Variants in ARHGEF18 observed in about 807,000 individuals in gnomAD.
The protein encoded by ARHGEF18 is rho guanine nucleotide exchange factor 18.
ARHGEF18 carries 93 observed loss-of-function variants against 155.7 expected under a neutral mutation model. The ratio of observed to expected loss-of-function variants is 0.60; its 90% CI spans 0.50 to 0.71. The LOEUF is 0.71. ARHGEF18 is among the 30% of genes least tolerant of loss of function. The probability of loss-of-function intolerance (pLI) is 0.00; values close to 1 mark genes in which losing one functional copy is unlikely to be tolerated. For missense variants in ARHGEF18, 1,593 were observed against 1,816.1 expected (o/e 0.88, Z 2.23); for synonymous variants, 742 against 753.1 (o/e 0.99, Z 0.24).
chr19:7,355,818 A>G (rs1410344172), intron 1 of ARHGEF18: 3 of 566,796 alleles, frequency 5.3e-6, no homozygotes, highest in African/African-American at 2.0e-5. Context: ...CTCTGCTGGC[A>G]TCGGCCCTGG....
chr19:7,461,097 C>A (rs1207206266), intron 20 of ARHGEF18, among the ~76,000 whole-genome samples: 1 of 149,954 alleles, frequency 6.7e-6, no homozygotes, highest in African/African-American at 2.4e-5. Context: ...CTGTATTATT[C>A]ATTTCTAAAT....
Position 7,372,134 on chromosome 19 carries a change from C to T in ARHGEF18, c.16-678C>T, listed in dbSNP as rs560096813. On this transcript the variant is annotated intron_variant, in intron 2 of 28. Transcript: ENST00000668164. ...GGGGGAAGCCCACTCGCCCACCTAC[C>T]CACCAAACCCTGTGTGCAGACAGTC... Among the ~76,000 whole-genome samples, 15 of 152,306 alleles carry T rather than the reference C, an allele frequency of 9.8e-5. No individual in the cohort carries two copies. The East Asian group carries it at 1.9e-3, about 20-fold the overall frequency.
intron 1 of ARHGEF18, among the ~76,000 whole-genome samples, chr19:7,357,820 C>T (rs1440839440): frequency 6.6e-6 from 1 of 152,024 alleles, no homozygotes; most frequent in Non-Finnish European, 1.5e-5. Context: ...GGTCCCAGTG[C>T]CCCTTCCCCA....
chr19:7,467,365 C>A lies in ARHGEF18; in HGVS notation c.3161C>A (p.Ala1054Glu). 1 of 1,534,602 alleles carries A rather than the reference C, an allele frequency of 6.5e-7. No homozygotes were observed. The highest frequency in any genetic ancestry group is 8.7e-7 in the Non-Finnish European group (1 of 1,145,828). ...TTCGAGAAGCAGCGGGAGGAGCGCG[C>A]GGCCCTGGAGAAGCTGCAGAGCCAG... ...RNFEKQREER[A>E]ALEKLQSQLR... Residue 1054 changes from alanine (A) to glutamate (E), a missense_variant, in exon 26 of 29, where the codon GCG (alanine) becomes GAG (glutamate). By Grantham distance (107) the Ala-to-Glu change is moderately radical. Coordinates refer to ENST00000668164, the MANE Select transcript of ARHGEF18 (RefSeq NM_001367823.1).
At chr19:7,479,576 A>C in the ARHGEF18 span, among the ~76,000 whole-genome samples, 63 of 152,366 alleles carry the variant, frequency 4.1e-4, no homozygotes, top group African/African-American at 1.5e-3. Flanking sequence ...GCCTTAGGGC[A>C]GATGTCTGGT....
the ARHGEF18 span, among the ~76,000 whole-genome samples, chr19:7,477,930 G>A: frequency 6.6e-6 from 1 of 152,244 alleles, no homozygotes; most frequent in Non-Finnish European, 1.5e-5. Context: ...GCTGAAACAG[G>A]AGGATCAGTT....
intron 10 of ARHGEF18, among the ~76,000 whole-genome samples, chr19:7,413,462 C>T (rs1217525813): frequency 6.6e-5 from 10 of 152,120 alleles, no homozygotes; most frequent in Admixed American, 2.0e-4. Context: ...CCACCATGCC[C>T]AGCTAATTTT....
At chr19:7,363,788 G>T (rs1232826404) in intron 2 of ARHGEF18, among the ~76,000 whole-genome samples, 3 of 151,470 alleles carry the variant, frequency 2.0e-5, no homozygotes, top group Non-Finnish European at 4.4e-5. Context: ...ATAAATGAAA[G>T]AATGAAGGAA....
chr19:7,350,532 C>T (rs910032121), intron 1 of ARHGEF18, among the ~76,000 whole-genome samples: 9 of 152,160 alleles, frequency 5.9e-5, no homozygotes, highest in Admixed American at 5.2e-4. Context: ...GCAAACACGT[C>T]GGTGCTTCTG....
chr19:7,461,680 T>C (rs1215730854), intron 20 of ARHGEF18, among the ~76,000 whole-genome samples: 1 of 152,158 alleles, frequency 6.6e-6, no homozygotes, highest in Non-Finnish European at 1.5e-5. Context: ...TGATTTTATT[T>C]TATTTCTTTT....
chr19:7,442,593 G>T (rs1042917489), intron 13 of ARHGEF18, among the ~76,000 whole-genome samples: 4 of 152,218 alleles, frequency 2.6e-5, no homozygotes, highest in African/African-American at 9.6e-5. Context: ...CCAGGAAAGA[G>T]ACTGTCGGAG....
intron 2 of ARHGEF18, among the ~76,000 whole-genome samples, chr19:7,367,554 C>T (rs1969940616): frequency 6.6e-6 from 1 of 151,566 alleles, no homozygotes; most frequent in Non-Finnish European, 1.5e-5. Context: ...CGAGACCAGT[C>T]TGGCCAACAT....
intron 10 of ARHGEF18, among the ~76,000 whole-genome samples, chr19:7,392,169 A>T (rs1971438126): frequency 7.5e-6 from 1 of 134,060 alleles, no homozygotes; most frequent in Non-Finnish European, 1.5e-5. Flanking sequence ...TCAATCTGGG[A>T]GGTGGAGTTT....
chr19:7,444,316 C>G lies in ARHGEF18; in HGVS notation c.1473C>G (p.Leu491=), dbSNP rs200519400. 1.9e-6 allele frequency: 3 copies of G among 1,613,700 alleles called. No individual in the cohort carries two copies. Among genetic ancestry groups the G allele is most frequent in the Non-Finnish European group, 2.5e-6 (3 of 1,180,034 alleles). ...TCAGCAGCAAGGCCATTGGCCGCCT[C>G]TTCCCATGCGCTGACGACCTGCTGG... ...LQFSSKAIGR[L]FPCADDLLET... Residue 491 remains leucine, a synonymous_variant, in exon 14 of 29, where the codon CTC becomes CTG. Transcript: ENST00000668164. The surrounding 1 kb of genome is among the most constrained non-coding windows in gnomAD (Gnocchi z 4.7).
In ARHGEF18 at chr19:7,462,268, T is replaced by G. The variant is rs767204598; in HGVS notation, c.2569T>G (p.Phe857Val). The G allele has an allele frequency of 1.2e-6, 2 of 1,613,532 alleles. No individual in the cohort carries two copies. Among genetic ancestry groups the G allele is most frequent in the African/African-American group, 2.7e-5 (2 of 74,938 alleles). ...LEDLPQPRGLFRGGDPSETLQ... is the reference protein window; with the variant it reads ...LEDLPQPRGLVRGGDPSETLQ... ...AGACCTGCCCCAGCCCCGAGGCCTA[T>G]TCCGTGGAGGGGACCCATCCGAGAC... Residue 857 changes from phenylalanine to valine, a missense_variant, in exon 21 of 29, where the codon TTC becomes GTC. Physicochemically the swap from Phe to Val is conservative, Grantham distance 50. Coordinates refer to ENST00000668164, the MANE Select transcript of ARHGEF18 (RefSeq NM_001367823.1). This position sits in a 1 kb window ranked among gnomAD's most constrained non-coding sequence, Gnocchi z 4.4.
Position 7,456,519 on chromosome 19 carries a change from C to A in ARHGEF18, c.2181+116C>A. 3 of 909,962 alleles carry A rather than the reference C, an allele frequency of 3.3e-6. No individual in the cohort carries two copies. In the East Asian group the frequency reaches 7.7e-5, roughly 23 times the overall value. The allele number at this position is 909,962 out of a possible 1,614,324, so 56.4% of individuals were successfully genotyped here. ...ATCACTTGAGGTCAAGAGTTGAAGT[C>A]CAGCCTGGCCAACATGGTGAAACCT... On this transcript the variant is annotated intron_variant, in intron 18 of 28. Coordinates refer to ENST00000668164, the MANE Select transcript of ARHGEF18 (RefSeq NM_001367823.1).
chr19:7,473,442 G>A (rs1977123668), downstream of ARHGEF18: 5 of 379,990 alleles, frequency 1.3e-5, no homozygotes, highest in South Asian at 9.7e-5. Flanking sequence ...GGCTGAGGCA[G>A]GAGGATAGCT....
chr19:7,448,397 C>T (rs1029906603), intron 15 of ARHGEF18, among the ~76,000 whole-genome samples: 7 of 152,148 alleles, frequency 4.6e-5, no homozygotes, highest in African/African-American at 1.7e-4. Flanking sequence ...CACAGTGGCT[C>T]ATGCCTGTAA....
In ARHGEF18 at chr19:7,462,360, G is replaced by A; in HGVS notation, c.2635+26G>A. ...GTAAGTTGGCTGCCCACACCTCAAGGGTGCAGTCTTGCCGGGGTGGGCTCC... is the reference window on the plus strand; with the variant it reads ...GTAAGTTGGCTGCCCACACCTCAAGAGTGCAGTCTTGCCGGGGTGGGCTCC... On this transcript the variant is annotated intron_variant, in intron 21 of 28. Transcript: ENST00000668164. This position sits in a 1 kb window ranked among gnomAD's most constrained non-coding sequence, Gnocchi z 4.4. 1 of 1,552,772 alleles carries A rather than the reference G, an allele frequency of 6.4e-7. No homozygotes were observed. Among genetic ancestry groups the A allele is most frequent in the South Asian group, 1.2e-5 (1 of 80,678 alleles).
Sources: gnomAD v4.1 joint callset for allele counts (sites outside exome capture counted in the v4.1 genomes callset) on GRCh38, gnomAD v4.1.1 for gene constraint, Gnocchi (gnomAD v3.1) non-coding constraint, MANE v1.5 for transcripts, NCBI Gene and HGNC (gene_info 2026-07-23, HGNC 2026-07-21) for gene names.